Variants in ATL1 observed in about 807,000 individuals in gnomAD.
ATL1 encodes atlastin GTPase 1.
In ATL1, 31 loss-of-function variants were observed where a neutral mutation model predicts 75.5. The ratio of observed to expected loss-of-function variants is 0.41; its 90% confidence interval spans 0.31 to 0.55. ATL1 has a LOEUF of 0.55. Ranked by LOEUF, ATL1 falls within the 20% of genes least tolerant of loss-of-function variation. ATL1 has a pLI of 0.27. For synonymous variants in ATL1, 226 were observed against 233.3 expected (o/e 0.97, Z 0.28); for missense variants, 405 against 662.6 (o/e 0.61, Z 4.27).
intron 1 of ATL1, among the ~76,000 whole-genome samples, chr14:50,576,492 A>T (rs2039007442): frequency 6.6e-6 from 1 of 152,136 alleles, no homozygotes; most frequent in Admixed American, 6.5e-5. Context: ...GGGAATTGAA[A>T]CTGAGTTTAA....
chr14:50,630,630 C>A (rs536617442), intron 13 of ATL1, among the ~76,000 whole-genome samples: 2 of 152,306 alleles, frequency 1.3e-5, no homozygotes, highest in South Asian at 2.1e-4. Context: ...TCATTTAGGT[C>A]ATTATCTTCA....
At chr14:50,592,271 T>G (rs1258549609) in intron 4 of ATL1, among the ~76,000 whole-genome samples, 1 of 152,192 alleles carries the variant, frequency 6.6e-6, no homozygotes, top group Non-Finnish European at 1.5e-5. Context: ...AGACTATTTT[T>G]AGATATTTTC....
At chr14:50,549,491 G>A (rs1457139783) in intron 1 of ATL1, among the ~76,000 whole-genome samples, 2 of 152,178 alleles carry the variant, frequency 1.3e-5, no homozygotes, top group East Asian at 1.9e-4. Context: ...CTGTGCCCTG[G>A]AATGGTGGGG....
In ATL1 at chr14:50,566,355, T is replaced by C. The variant is rs1170391922; in HGVS notation, c.34+6056T>C. On this transcript the variant is annotated intron_variant, in intron 1 of 13. Coordinates refer to ENST00000358385, the MANE Select transcript of ATL1 (RefSeq NM_015915.5). ...AACACTTTCATTAATTTGAAGTTTC[T>C]AATTCTCTTGATAATTTTTACAGTT... 5.9e-5 allele frequency among the ~76,000 whole-genome samples: 9 copies of C among 152,348 alleles called. No homozygotes were observed. In the East Asian group the frequency reaches 1.7e-3, roughly 29 times the overall value.
At chr14:50,534,056 G>C (rs2038459938) in intron 1 of ATL1, among the ~76,000 whole-genome samples, 1 of 152,174 alleles carries the variant, frequency 6.6e-6, no homozygotes, top group South Asian at 2.1e-4. Context: ...TGGCTTCGAT[G>C]ACTCAAAATC....
intron 6 of ATL1, among the ~76,000 whole-genome samples, chr14:50,604,051 C>G (rs1246185490): frequency 6.6e-6 from 1 of 152,088 alleles, no homozygotes; most frequent in African/African-American, 2.4e-5. Context: ...CTGTGCTAAG[C>G]ATTTTTCTTA....
chr14:50,621,726 G>A, intron 9 of ATL1, 117 bp from the exon 10 acceptor site: 2 of 714,372 alleles, frequency 2.8e-6, no homozygotes, highest in Non-Finnish European at 4.9e-6. Context: ...AGATAAAATA[G>A]TTATAAGTTC....
At chr14:50,595,049 A>G (rs2039201280) in intron 5 of ATL1, among the ~76,000 whole-genome samples, 1 of 152,010 alleles carries the variant, frequency 6.6e-6, no homozygotes, top group African/African-American at 2.4e-5. Context: ...AAAAAGACAA[A>G]GAAAGGAAAA....
chr14:50,601,324 T>TC (rs1177475463), intron 6 of ATL1, among the ~76,000 whole-genome samples: 5 of 152,064 alleles, frequency 3.3e-5, no homozygotes, highest in African/African-American at 1.2e-4. Flanking sequence ...AACAAAAATA[T>TC]GTTCGTGTAT....
At chr14:50,552,718 C>G (rs2038717958) in intron 1 of ATL1, among the ~76,000 whole-genome samples, 1 of 152,156 alleles carries the variant, frequency 6.6e-6, no homozygotes, top group Non-Finnish European at 1.5e-5. Flanking sequence ...CAAATACTTA[C>G]AGCTAACTGG....
intron 2 of ATL1, among the ~76,000 whole-genome samples, chr14:50,589,155 C>CT (rs34191629): frequency 0.25 from 27,901 of 109,550 alleles, 3,744 homozygotes; most frequent in South Asian, 0.41. Context: ...TTCTTTCTTT[C>CT]TTTTTTTTTT....
intron 1 of ATL1, among the ~76,000 whole-genome samples, chr14:50,578,617 A>G (rs753236048): frequency 5.9e-5 from 9 of 152,152 alleles, no homozygotes; most frequent in Non-Finnish European, 8.8e-5. Flanking sequence ...TCAGAGTTAT[A>G]CCATATTGTA....
chr14:50,630,082 G>T, intron 13 of ATL1, 73 bp downstream of exon 13: 1 of 1,149,630 alleles, frequency 8.7e-7, no homozygotes, highest in Non-Finnish European at 1.3e-6. Flanking sequence ...AACTGACTAA[G>T]CCATTAAAAG....
chr14:50,585,774 A>G (rs1225977032), intron 1 of ATL1, among the ~76,000 whole-genome samples: 1 of 152,204 alleles, frequency 6.6e-6, no homozygotes, highest in Non-Finnish European at 1.5e-5. Flanking sequence ...CTGGGATTTA[A>G]ACAAAGGCTC....
chr14:50,533,589 A>T (rs1460726151), intron 1 of ATL1, among the ~76,000 whole-genome samples: 2 of 152,188 alleles, frequency 1.3e-5, no homozygotes, highest in African/African-American at 2.4e-5. Context: ...GTGTTACATT[A>T]TACTGGCTAA....
chr14:50,591,043 A>G lies in ATL1; in HGVS notation c.385A>G (p.Ile129Val). 6.2e-7 allele frequency: 1 copy of G among 1,613,576 alleles called. No individual in the cohort carries two copies. The highest frequency in any genetic ancestry group is 8.5e-7 in the Non-Finnish European group (1 of 1,179,724). The change falls in exon 3 of 14, where the codon ATC becomes GTC. Residue 129 changes from isoleucine (I) to valine (V), a missense_variant. Coordinates refer to ENST00000358385, the MANE Select transcript of ATL1 (RefSeq NM_015915.5). The part of the protein sequence containing the change: ...ETTGIQIWSE[I>V]FLINKPDGKK... ...CACAGGAATTCAGATATGGAGTGAAATCTTCCTTATCAATAAACCTGATGG... is the reference window on the plus strand; with the variant it reads ...CACAGGAATTCAGATATGGAGTGAAGTCTTCCTTATCAATAAACCTGATGG...
At chr14:50,582,435 A>C (rs1784177440) in intron 1 of ATL1, among the ~76,000 whole-genome samples, 1 of 149,118 alleles carries the variant, frequency 6.7e-6, no homozygotes, top group South Asian at 2.1e-4. Context: ...CATAAGACGG[A>C]GTCTCACTCT....
At chr14:50,612,714 T>C (rs944025238) in intron 6 of ATL1, among the ~76,000 whole-genome samples, 1 of 152,162 alleles carries the variant, frequency 6.6e-6, no homozygotes, top group Non-Finnish European at 1.5e-5. Context: ...GACTGGATGA[T>C]GTTCACCAAA....
chr14:50,628,803 G>A (rs1282407829), intron 12 of ATL1, among the ~76,000 whole-genome samples: 5 of 151,976 alleles, frequency 3.3e-5, no homozygotes, highest in African/African-American at 7.3e-5. Context: ...TGCAACCTCC[G>A]CCTCCCAGGC....
Sources: gnomAD v4.1 joint callset for allele counts (sites outside exome capture counted in the v4.1 genomes callset) on GRCh38, gnomAD v4.1.1 for gene constraint, MANE v1.5 for transcripts, NCBI Gene and HGNC (gene_info 2026-07-23, HGNC 2026-07-21) for gene names.